DMD: variants seen among roughly 807,000 people sequenced by gnomAD.
DMD encodes the protein dystrophin, also known as mutant dystrophin.
In DMD, 63 loss-of-function variants were observed where a neutral mutation model predicts 330.1. That is an observed-to-expected ratio of 0.19 (90% confidence interval 0.16 to 0.24). The LOEUF is 0.24. DMD is among the 10% of genes least tolerant of loss of function. The pLI is 1.00. For synonymous variants in DMD, 1,223 were observed against 959.8 expected, an observed-to-expected ratio of 1.27 and a Z score of -5.07; for missense variants, 3,344 against 2,684.1, an observed-to-expected ratio of 1.25 and a Z score of -5.43.
At chrX:31,309,771 A>T (rs571066508) in intron 62 of DMD, among the ~76,000 whole-genome samples, 1 of 112,183 alleles carries the variant, frequency 8.9e-6, no homozygotes, top group South Asian at 3.7e-4. Context: ...ATTAACAGAT[A>T]CGTTTTTAAA....
chrX:33,190,994 AATATATAATATT>A (rs1377043151), intron 1 of DMD, among the ~76,000 whole-genome samples: 4 of 12,062 alleles, frequency 3.3e-4, no homozygotes, highest in African/African-American at 4.6e-4. Flanking sequence ...ATATATATAT[AATATATAATATT>A]ATATATATAT....
At chrX:31,368,893 A>G (rs1404015690) in intron 60 of DMD, among the ~76,000 whole-genome samples, 4 of 110,729 alleles carry the variant, frequency 3.6e-5, no homozygotes, top group Non-Finnish European at 7.6e-5. Flanking sequence ...TGATCTGCCC[A>G]CCTCAACCTC....
intron 55 of DMD, among the ~76,000 whole-genome samples, chrX:31,530,685 T>A (rs2073703499): frequency 2.2e-5 from 2 of 91,759 alleles, no homozygotes; most frequent in East Asian, 3.4e-4. Context: ...TTTTTTTTTT[T>A]TTATTATACT....
chrX:31,609,329 T>C (rs186857887), intron 55 of DMD, among the ~76,000 whole-genome samples: 5 of 111,859 alleles, frequency 4.5e-5, no homozygotes, highest in Admixed American at 9.5e-5. Flanking sequence ...ATATGGGAAT[T>C]ATAAGACAAC....
chrX:32,538,361 C>G (rs2048186801), intron 17 of DMD, among the ~76,000 whole-genome samples: 2 of 111,375 alleles, frequency 1.8e-5, no homozygotes, highest in South Asian at 7.6e-4. Context: ...TCTCCTGGCT[C>G]AAAACCTCCC....
intron 2 of DMD, among the ~76,000 whole-genome samples, chrX:33,009,415 C>CGTGTATAT (rs2093551360): frequency 1.2e-5 from 1 of 81,658 alleles, no homozygotes; most frequent in African/African-American, 5.0e-5. Flanking sequence ...TGTATATACA[C>CGTGTATAT]ATGTGTGTAT....
At chrX:32,688,118 A>C (rs1462744797) in intron 9 of DMD, among the ~76,000 whole-genome samples, 1 of 111,909 alleles carries the variant, frequency 8.9e-6, no homozygotes, top group Non-Finnish European at 1.9e-5. Context: ...TGACCTGCTT[A>C]AACACCGGAA....
At chrX:32,676,762 T>G (rs1448639093) in intron 9 of DMD, among the ~76,000 whole-genome samples, 2 of 111,565 alleles carry the variant, frequency 1.8e-5, no homozygotes, top group African/African-American at 6.5e-5. Flanking sequence ...AACAAACACA[T>G]ATGTATTGAG....
At chrX:32,329,706 T>A (rs925649939) in intron 41 of DMD, among the ~76,000 whole-genome samples, 3 of 112,531 alleles carry the variant, frequency 2.7e-5, no homozygotes, top group African/African-American at 9.7e-5. Flanking sequence ...ACTGTATTTG[T>A]TAGGTAATTC....
intron 1 of DMD, among the ~76,000 whole-genome samples, chrX:33,141,310 A>G (rs1440305323): frequency 9.0e-6 from 1 of 111,406 alleles, no homozygotes; most frequent in Non-Finnish European, 1.9e-5. Flanking sequence ...AGTCAGGAAT[A>G]TGTCCCTAGG....
chrX:33,139,085 G>A (rs1366034960), intron 1 of DMD, among the ~76,000 whole-genome samples: 1 of 110,628 alleles, frequency 9.0e-6, no homozygotes, highest in East Asian at 2.9e-4. Flanking sequence ...GAGATGGGCG[G>A]ATCACTTAAG....
intron 74 of DMD, 100 bp from the exon 75 acceptor site, chrX:31,147,618 G>T (rs2036889789): frequency 1.6e-6 from 1 of 622,528 alleles, no homozygotes; most frequent in Non-Finnish European, 2.5e-6. Context: ...ATATACCATG[G>T]TAGATAGATG....
At chrX:33,269,760 T>A (rs1490012630) in intron 1 of DMD, among the ~76,000 whole-genome samples, 3 of 110,704 alleles carry the variant, frequency 2.7e-5, no homozygotes, top group Non-Finnish European at 5.7e-5. Context: ...GACTTAAGTT[T>A]ATACAATCAT....
At chrX:32,883,882 G>C (rs1002483086) in intron 2 of DMD, among the ~76,000 whole-genome samples, 8 of 98,688 alleles carry the variant, frequency 8.1e-5, no homozygotes, top group African/African-American at 3.0e-4. Flanking sequence ...CCAAAATTTA[G>C]GCTCTTAAAA....
chrX:31,574,302 C>A (rs1262945825), intron 55 of DMD, among the ~76,000 whole-genome samples: 1 of 108,622 alleles, frequency 9.2e-6, no homozygotes, highest in African/African-American at 3.4e-5. Context: ...CACCACAACA[C>A]CCGGCTGATT....
At chrX:31,257,392 A>G (rs1452939507) in intron 63 of DMD, among the ~76,000 whole-genome samples, 1 of 109,502 alleles carries the variant, frequency 9.1e-6, no homozygotes, top group East Asian at 2.9e-4. Context: ...ACGCCAGACC[A>G]CAACACCATT....
intron 60 of DMD, among the ~76,000 whole-genome samples, chrX:31,426,371 T>C (rs193214191): frequency 1.8e-5 from 2 of 111,956 alleles, no homozygotes; most frequent in African/African-American, 6.5e-5. Context: ...CTGAAAGTAT[T>C]CTAACTGACA....
At chrX:32,407,310 G>T (rs1210358743) in intron 30 of DMD, among the ~76,000 whole-genome samples, 9 of 111,591 alleles carry the variant, frequency 8.1e-5, no homozygotes, top group Non-Finnish European at 1.1e-4. Flanking sequence ...CAACAAGTGG[G>T]TGAAGGATAT....
At chrX:31,359,288 C>T (rs2058818208) in intron 60 of DMD, among the ~76,000 whole-genome samples, 1 of 112,066 alleles carries the variant, frequency 8.9e-6, no homozygotes, top group African/African-American at 3.2e-5. Flanking sequence ...ATTCTTAGCT[C>T]GTCTAAATAA....
Sources: gnomAD v4.1 joint callset for allele counts (sites outside exome capture counted in the v4.1 genomes callset) on GRCh38, gnomAD v4.1.1 for gene constraint, MANE v1.5 for transcripts, NCBI Gene and HGNC (gene_info 2026-07-23, HGNC 2026-07-21) for gene names.